The following FHIT variants were observed in gnomAD, a reference collection of about 807,000 sequenced individuals.
FHIT encodes fragile histidine triad diadenosine triphosphatase.
A neutral mutation model predicts 17.9 loss-of-function variants in FHIT; 19 were observed. The ratio of observed to expected loss-of-function variants is 1.06; its 90% CI spans 0.74 to 1.56. The LOEUF is 1.56. FHIT is among the 40% of genes most tolerant of loss of function. The pLI, the probability that FHIT is intolerant of heterozygous loss-of-function variation, is 0.00. For synonymous variants in FHIT, 81 were observed against 69.7 expected, an observed-to-expected ratio of 1.16 and a Z score of -0.81; for missense variants, 248 against 189.2, an observed-to-expected ratio of 1.31 and a Z score of -1.82.
In FHIT at chr3:60,503,865, G is replaced by A. The variant is rs559974404; in HGVS notation, c.103+32995C>T. Among the ~76,000 whole-genome samples the A allele has an allele frequency of 1.2e-3, 190 of 152,206 alleles. 1 individual carries two copies. Among genetic ancestry groups the A allele is most frequent in the African/African-American group, 4.2e-3 (174 of 41,546 alleles). Reference sequence around the variant, plus strand: ...GATTATCTCTGGGCAGTAGGATTATGAGTCTTTTTACTTCATACTTTTGTG... The same window carrying A: ...GATTATCTCTGGGCAGTAGGATTATAAGTCTTTTTACTTCATACTTTTGTG... On this transcript the variant is annotated intron_variant, in intron 5 of 9. Coordinates refer to ENST00000492590, the MANE Select transcript of FHIT (RefSeq NM_002012.4).
chr3:60,350,062 G>C lies in FHIT; in HGVS notation c.103+186798C>G, dbSNP rs143269551. ...GAGCCACTCACCAGAAATGCTGTAA[G>C]TAATGACTAGGTTCTGCAGAAATAA... On this transcript the variant is annotated intron_variant, in intron 5 of 9. Transcript: ENST00000492590. Among the ~76,000 whole-genome samples, 17 of 152,310 alleles carry C rather than the reference G, an allele frequency of 1.1e-4. No individual in the cohort carries two copies. In the East Asian group the frequency reaches 3.1e-3, roughly 28 times the overall value.
intron 8 of FHIT, among the ~76,000 whole-genome samples, chr3:59,897,016 C>T (rs1241329613): frequency 6.6e-6 from 1 of 152,124 alleles, no homozygotes; most frequent in Non-Finnish European, 1.5e-5. Flanking sequence ...GCTGAATTAG[C>T]ACATGCAGTT....
chr3:60,160,136 G>GTC (rs1559686714), intron 5 of FHIT, among the ~76,000 whole-genome samples: 4 of 142,602 alleles, frequency 2.8e-5, no homozygotes, highest in African/African-American at 1.0e-4. Context: ...GTGTGTGTGT[G>GTC]TGTGTGTCTG....
intron 3 of FHIT, among the ~76,000 whole-genome samples, chr3:60,965,920 C>G (rs1170685231): frequency 6.6e-6 from 1 of 152,188 alleles, no homozygotes; most frequent in Non-Finnish European, 1.5e-5. Flanking sequence ...TGTCCGTTCT[C>G]AGATCTCAAA....
intron 5 of FHIT, among the ~76,000 whole-genome samples, chr3:60,275,692 A>G (rs1576406131): frequency 2.0e-5 from 3 of 152,180 alleles, no homozygotes; most frequent in Admixed American, 2.0e-4. Context: ...TGATCAATAA[A>G]TGCATACTTA....
At chr3:60,080,075 T>C (rs760121550) in intron 5 of FHIT, among the ~76,000 whole-genome samples, 8 of 152,186 alleles carry the variant, frequency 5.3e-5, no homozygotes, top group Non-Finnish European at 1.0e-4. Context: ...AAAAAATATC[T>C]TTTCTATTTC....
intron 5 of FHIT, among the ~76,000 whole-genome samples, chr3:60,176,787 T>G (rs906636848): frequency 6.6e-6 from 1 of 152,160 alleles, no homozygotes; most frequent in Non-Finnish European, 1.5e-5. Flanking sequence ...TGAAAAGAGC[T>G]GCGTCAATCA....
intron 8 of FHIT, among the ~76,000 whole-genome samples, chr3:59,866,941 T>C (rs1320630519): frequency 6.6e-6 from 1 of 151,846 alleles, no homozygotes; most frequent in Non-Finnish European, 1.5e-5. Context: ...GTGCTTTGAT[T>C]ACCTATTCTC....
chr3:61,126,601 G>T (rs922033698), intron 2 of FHIT, among the ~76,000 whole-genome samples: 1 of 152,068 alleles, frequency 6.6e-6, no homozygotes, highest in Non-Finnish European at 1.5e-5. Flanking sequence ...CTCCCAACTG[G>T]TATCTCCCTC....
intron 5 of FHIT, among the ~76,000 whole-genome samples, chr3:60,033,161 G>A (rs1701072855): frequency 6.6e-6 from 1 of 152,100 alleles, no homozygotes; most frequent in Non-Finnish European, 1.5e-5. Context: ...AACAGTCAAA[G>A]AACTTGACTA....
chr3:59,921,087 T>C (rs377107980), intron 8 of FHIT, among the ~76,000 whole-genome samples: 1 of 152,208 alleles, frequency 6.6e-6, no homozygotes, highest in South Asian at 2.1e-4. Flanking sequence ...ATTTCCACTC[T>C]ACACACATCC....
chr3:59,773,129 G>T (rs538424269), intron 8 of FHIT, among the ~76,000 whole-genome samples: 1 of 152,300 alleles, frequency 6.6e-6, no homozygotes, highest in African/African-American at 2.4e-5. Flanking sequence ...TATCTTGAGT[G>T]GAAATCTTAT....
chr3:60,200,253 G>T (rs1038478964), intron 5 of FHIT, among the ~76,000 whole-genome samples: 1 of 152,138 alleles, frequency 6.6e-6, no homozygotes, highest in Admixed American at 6.6e-5. Flanking sequence ...CAACAGGACT[G>T]GGATAATCAA....
At chr3:60,123,930 T>C (rs1280722805) in intron 5 of FHIT, among the ~76,000 whole-genome samples, 1 of 141,626 alleles carries the variant, frequency 7.1e-6, no homozygotes, top group Admixed American at 7.3e-5. Context: ...CTTAGTTTTG[T>C]CTGAATTCTC....
intron 1 of FHIT, among the ~76,000 whole-genome samples, chr3:61,201,411 A>G (rs1369971404): frequency 6.6e-6 from 1 of 152,214 alleles, no homozygotes; most frequent in Admixed American, 6.5e-5. Context: ...TCTTACTCAT[A>G]AGGTGCCTCT....
At chr3:60,583,615 T>C (rs1482508013) in intron 4 of FHIT, among the ~76,000 whole-genome samples, 1 of 152,094 alleles carries the variant, frequency 6.6e-6, no homozygotes, top group East Asian at 1.9e-4. Flanking sequence ...CTATTCTTTT[T>C]CAACCATTCA....
At chr3:61,104,468 G>A (rs1185996286) in intron 2 of FHIT, among the ~76,000 whole-genome samples, 1 of 152,078 alleles carries the variant, frequency 6.6e-6, no homozygotes, top group African/African-American at 2.4e-5. Context: ...CTTTGTAGGT[G>A]AGCTGACCTT....
At chr3:60,840,833 CTT>C (rs1702704037) in intron 3 of FHIT, among the ~76,000 whole-genome samples, 1 of 152,148 alleles carries the variant, frequency 6.6e-6, no homozygotes, top group African/African-American at 2.4e-5. Flanking sequence ...CATGACATGA[CTT>C]TATTGAAGGC....
intron 5 of FHIT, among the ~76,000 whole-genome samples, chr3:60,205,162 G>A (rs1184238388): frequency 2.0e-5 from 3 of 151,896 alleles, no homozygotes; most frequent in African/African-American, 7.3e-5. Flanking sequence ...CACAAAGGCT[G>A]GATCCCACCA....
Sources: gnomAD v4.1 joint callset for allele counts (sites outside exome capture counted in the v4.1 genomes callset) on GRCh38, gnomAD v4.1.1 for gene constraint, MANE v1.5 for transcripts, NCBI Gene and HGNC (gene_info 2026-07-23, HGNC 2026-07-21) for gene names.